Variants in TRPC4 observed in about 807,000 individuals in gnomAD.
TRPC4 encodes the protein short transient receptor potential channel 4.
In TRPC4, 49 loss-of-function variants were observed where a neutral mutation model predicts 99.4. That is an observed-to-expected ratio of 0.49 (90% confidence interval 0.39 to 0.63). TRPC4 has a LOEUF of 0.63. TRPC4 is among the 20% of genes least tolerant of loss of function. TRPC4 has a pLI of 0.00. For missense variants in TRPC4, 898 were observed against 1,152.9 expected (o/e 0.78, Z 3.20); for synonymous variants, 454 against 425.9 (o/e 1.07, Z -0.81).
chr13:37,646,742 A>G (rs1951870857), intron 8 of TRPC4, among the ~76,000 whole-genome samples: 1 of 152,220 alleles, frequency 6.6e-6, no homozygotes, highest in Non-Finnish European at 1.5e-5. Flanking sequence ...TGCTGTAATG[A>G]TAAGAAGGGT....
At position 37,637,389 on chromosome 13, in the gene TRPC4, G is replaced by A. The variant is rs1450679785; in HGVS notation, c.2448C>T (p.Asn816=). 1 of 1,613,712 alleles carries A rather than the reference G, an allele frequency of 6.2e-7. No individual in the cohort carries two copies. The highest frequency in any genetic ancestry group is 1.7e-5 in the Admixed American group (1 of 59,932). ...RSAAIASERH[N]ISNGSALVVQ... ...CCACCAGGGCAGAGCCATTGCTTAT[G>A]TTATGTCTTTCAGAGGCAATTGCTG... The change falls in exon 11 of 11, where the codon AAC becomes AAT. Residue 816 remains asparagine, a synonymous_variant. Coordinates refer to ENST00000379705, the MANE Select transcript of TRPC4 (RefSeq NM_016179.4).
intron 1 of TRPC4, among the ~76,000 whole-genome samples, chr13:37,822,048 G>GA (rs887568551): frequency 5.3e-5 from 8 of 151,808 alleles, no homozygotes; most frequent in African/African-American, 7.2e-5. Context: ...GAAAATATTT[G>GA]AAAAAAATGC....
chr13:37,861,312 T>A (rs1959304515), intron 1 of TRPC4, among the ~76,000 whole-genome samples: 1 of 151,606 alleles, frequency 6.6e-6, no homozygotes, highest in South Asian at 2.1e-4. Flanking sequence ...AAACAGATCT[T>A]CTGCATTTGA....
intron 2 of TRPC4, among the ~76,000 whole-genome samples, chr13:37,756,543 T>C (rs1349219397): frequency 1.3e-5 from 2 of 151,474 alleles, no homozygotes; most frequent in Non-Finnish European, 2.9e-5. Flanking sequence ...TTCTTTTTTT[T>C]TTTTTCTGAG....
intron 1 of TRPC4, among the ~76,000 whole-genome samples, chr13:37,829,159 T>C (rs1160923924): frequency 6.6e-6 from 1 of 152,000 alleles, no homozygotes; most frequent in East Asian, 1.9e-4. Flanking sequence ...AAGGACACTA[T>C]CAAGAAAGTA....
intron 4 of TRPC4, 136 bp from the exon 5 acceptor site, chr13:37,674,503 C>A: frequency 2.2e-5 from 20 of 896,514 alleles, no homozygotes; most frequent in Non-Finnish European, 3.3e-5. Flanking sequence ...CTATTTTTTA[C>A]AGGTAATAAC....
At chr13:37,823,656 G>C (rs1363091675) in intron 1 of TRPC4, among the ~76,000 whole-genome samples, 1 of 150,426 alleles carries the variant, frequency 6.6e-6, no homozygotes, top group Non-Finnish European at 1.5e-5. Flanking sequence ...CCAGTACCAT[G>C]CTGTTTTGGT....
chr13:37,678,426 A>C (rs1953130477), intron 4 of TRPC4, among the ~76,000 whole-genome samples: 1 of 152,050 alleles, frequency 6.6e-6, no homozygotes, highest in Non-Finnish European at 1.5e-5. Flanking sequence ...TTAAAGAAGG[A>C]ACATCAATAT....
At chr13:37,809,667 G>C (rs905071600) in intron 1 of TRPC4, among the ~76,000 whole-genome samples, 1 of 151,932 alleles carries the variant, frequency 6.6e-6, no homozygotes, top group African/African-American at 2.4e-5. Context: ...AAAGATTAAG[G>C]TAACAAAAGG....
At chr13:37,687,033 C>T (rs773268128) in intron 4 of TRPC4, among the ~76,000 whole-genome samples, 3 of 151,784 alleles carry the variant, frequency 2.0e-5, no homozygotes, top group Non-Finnish European at 4.4e-5. Context: ...GGCACAATCT[C>T]GGCTCACTGC....
chr13:37,822,301 T>G (rs914761261), intron 1 of TRPC4, among the ~76,000 whole-genome samples: 3 of 151,812 alleles, frequency 2.0e-5, no homozygotes, highest in Non-Finnish European at 4.4e-5. Context: ...ATACTTTAAG[T>G]TTTAGGGTAC....
chr13:37,745,003 A>T (rs1464612714), intron 3 of TRPC4, among the ~76,000 whole-genome samples: 3 of 152,310 alleles, frequency 2.0e-5, no homozygotes, highest in African/African-American at 7.2e-5. Flanking sequence ...AAATCAAAAA[A>T]ATGAGCAAGA....
chr13:37,696,311 G>A lies in TRPC4; in HGVS notation c.898-3976C>T, dbSNP rs528299098. On this transcript the variant is annotated intron_variant, in intron 3 of 10. Coordinates refer to ENST00000379705, the MANE Select transcript of TRPC4 (RefSeq NM_016179.4). ...AGCTACAATTCAAGATGAGATTTGG[G>A]TGGGGACACAGCCAAACCATATCAA... Among the ~76,000 whole-genome samples, 8 of 152,218 alleles carry A rather than the reference G, an allele frequency of 5.3e-5. No homozygotes were observed. In the South Asian group the frequency reaches 1.7e-3, roughly 32 times the overall value.
At chr13:37,697,397 G>A (rs551182215) in intron 3 of TRPC4, among the ~76,000 whole-genome samples, 9 of 152,308 alleles carry the variant, frequency 5.9e-5, no homozygotes, top group South Asian at 4.1e-4. Context: ...AGTGGAATTT[G>A]TTAGTTAAGC....
chr13:37,660,257 T>C (rs1488246651), intron 6 of TRPC4, among the ~76,000 whole-genome samples: 1 of 151,990 alleles, frequency 6.6e-6, no homozygotes, highest in African/African-American at 2.4e-5. Context: ...GGTAATAATA[T>C]AGAAGTTAAA....
intron 1 of TRPC4, among the ~76,000 whole-genome samples, chr13:37,818,934 A>G (rs909705021): frequency 6.6e-6 from 1 of 152,046 alleles, no homozygotes; most frequent in African/African-American, 2.4e-5. Flanking sequence ...TATATATCCC[A>G]AAACTTAAAG....
intron 2 of TRPC4, among the ~76,000 whole-genome samples, chr13:37,769,012 A>G (rs1956471332): frequency 6.6e-6 from 1 of 151,442 alleles, no homozygotes; most frequent in African/African-American, 2.4e-5. Flanking sequence ...TTTTTGGGTA[A>G]CTTTTAATAT....
chr13:37,867,529 T>G (rs1413819613), intron 1 of TRPC4, among the ~76,000 whole-genome samples: 1 of 152,050 alleles, frequency 6.6e-6, no homozygotes, highest in African/African-American at 2.4e-5. Context: ...AATGTAATTG[T>G]CTTTATCACA....
At chr13:37,745,460 A>ACACACACACACT (rs1555265755) in intron 3 of TRPC4, among the ~76,000 whole-genome samples, 10 of 4,920 alleles carry the variant, frequency 2.0e-3, no homozygotes, top group African/African-American at 3.4e-3. Context: ...ATATATATAT[A>ACACACACACACT]TATATATATA....
Sources: gnomAD v4.1 joint callset for allele counts (sites outside exome capture counted in the v4.1 genomes callset) on GRCh38, gnomAD v4.1.1 for gene constraint, MANE v1.5 for transcripts, NCBI Gene and HGNC (gene_info 2026-07-23, HGNC 2026-07-21) for gene names.